Variants in CSMD2 observed in about 807,000 individuals in gnomAD.
CSMD2 encodes the protein CUB and Sushi multiple domains 2.
A neutral mutation model predicts 398.5 loss-of-function variants in CSMD2; 130 were observed. The observed-to-expected ratio is 0.33, with a 90% confidence interval of 0.28 to 0.38. The LOEUF is 0.38. Among genes scored for constraint, CSMD2 ranks in the 10% least tolerant of loss-of-function variants. The pLI, the probability that CSMD2 is intolerant of heterozygous loss-of-function variation, is 1.00. For missense variants in CSMD2, 3,829 were observed against 4,764.9 expected (o/e 0.80, Z 5.78); for synonymous variants, 1,828 against 1,908.5 (o/e 0.96, Z 1.10).
upstream of CSMD2, chr1:34,165,785 G>C (rs769398819): frequency 4.3e-5 from 69 of 1,613,894 alleles, 1 homozygote; most frequent in East Asian, 1.5e-3. Context: ...TTGCCATCTA[G>C]GGCCGGGGGC....
At chr1:33,923,469 C>T (rs892856338) in intron 4 of CSMD2, among the ~76,000 whole-genome samples, 1 of 152,166 alleles carries the variant, frequency 6.6e-6, no homozygotes, top group Admixed American at 6.5e-5. Context: ...GCCTCCTGTA[C>T]AGCCTGTGGA....
At position 34,163,150 on chromosome 1, in the gene CSMD2, C is replaced by T. The variant is rs1024651299; in HGVS notation, c.187+1761G>A. On this transcript the variant is annotated intron_variant, in intron 1 of 70. Transcript: ENST00000373381. The surrounding 1 kb of genome is among the most constrained non-coding windows in gnomAD (Gnocchi z 5.4). The stretch of plus-strand genomic sequence containing the variant: ...GCCAGAAAAACAATTCAGTCCGATG[C>T]CGAGACATTCTCCAATCAGCTAAGC... Among the ~76,000 whole-genome samples the T allele has an allele frequency of 2.0e-5, 3 of 152,262 alleles. No individual in the cohort carries two copies. Among genetic ancestry groups the T allele is most frequent in the Admixed American group, 6.5e-5 (1 of 15,288 alleles).
intron 2 of CSMD2, among the ~76,000 whole-genome samples, chr1:34,046,938 C>T (rs1398020056): frequency 6.6e-6 from 1 of 152,100 alleles, no homozygotes; most frequent in South Asian, 2.1e-4. Context: ...CCATCTCTTG[C>T]CTCAATTACT....
At position 33,567,478 on chromosome 1, in the gene CSMD2, C is replaced by CATATATATATATATATAT. The variant is rs774765893; in HGVS notation, c.8380+97_8380+114dup. ...CAGTTTTGAAAAAAAAAATAGCAAT[C>CATATATATATATATATAT]ATATATATATATATATATTTAAAAC... On this transcript the variant is annotated intron_variant, in intron 53 of 70. Coordinates refer to ENST00000373381, the MANE Select transcript of CSMD2 (RefSeq NM_001281956.2). 458 of 469,634 alleles carry CATATATATATATATATAT rather than the reference C, an allele frequency of 9.8e-4. 2 individuals are homozygous for CATATATATATATATATAT. The highest frequency in any genetic ancestry group is 4.5e-3 in the East Asian group (88 of 19,420). The allele number at this position is 469,634 out of a possible 1,614,324, so 29.1% of individuals were successfully genotyped here.
chr1:33,622,530 G>T (rs1641839055), intron 36 of CSMD2, among the ~76,000 whole-genome samples: 1 of 152,164 alleles, frequency 6.6e-6, no homozygotes, highest in African/African-American at 2.4e-5. Context: ...GAGGGTGAGG[G>T]ATGAGTTGGG....
chr1:34,159,484 G>A (rs543610388), intron 1 of CSMD2, among the ~76,000 whole-genome samples: 1 of 152,210 alleles, frequency 6.6e-6, no homozygotes, highest in Non-Finnish European at 1.5e-5. Context: ...CTGGGCAGAC[G>A]CTTCCAGGGA....
intron 1 of CSMD2, among the ~76,000 whole-genome samples, chr1:34,158,670 G>GTAGTAA (rs572043954): frequency 2.0e-5 from 3 of 152,192 alleles, no homozygotes; most frequent in Non-Finnish European, 4.4e-5. Context: ...GACCGTAGTT[G>GTAGTAA]TAGTAATAGT....
chr1:33,603,809 T>C lies in CSMD2; in HGVS notation c.6533-1263A>G, dbSNP rs76479437. Among the ~76,000 whole-genome samples the C allele has an allele frequency of 2.6e-3, 389 of 152,290 alleles. 1 individual carries two copies. The highest frequency in any genetic ancestry group is 8.9e-3 in the African/African-American group (371 of 41,562). On this transcript the variant is annotated intron_variant, in intron 42 of 70. Coordinates refer to ENST00000373381, the MANE Select transcript of CSMD2 (RefSeq NM_001281956.2). The stretch of plus-strand genomic sequence containing the variant: ...TAGAATTCATATTTATACTCAGACC[T>C]AAGGGATGACTAGGGTTAAGTAGGC...
Position 33,589,698 on chromosome 1 carries a change from T to A in CSMD2, c.6857-2530A>T, listed in dbSNP as rs185848086. Reference sequence around the variant, plus strand: ...TGCATTGCATACTGTACCATCCACATCCAGTGCACGGTGAAACCCCGCAGC... The same window carrying A: ...TGCATTGCATACTGTACCATCCACAACCAGTGCACGGTGAAACCCCGCAGC... On this transcript the variant is annotated intron_variant, in intron 44 of 70. Transcript: ENST00000373381. Among the ~76,000 whole-genome samples, 66 of 152,288 alleles carry A rather than the reference T, an allele frequency of 4.3e-4. No individual in the cohort carries two copies. The East Asian group carries it at 5.0e-3, about 12-fold the overall frequency.
chr1:34,131,908 C>T lies in CSMD2; in HGVS notation c.187+33003G>A, dbSNP rs1010321986. Among the ~76,000 whole-genome samples, 16 of 152,210 alleles carry T rather than the reference C, an allele frequency of 1.1e-4. 1 individual carries two copies. Among genetic ancestry groups the T allele is most frequent in the Non-Finnish European group, 1.6e-4 (11 of 68,022 alleles). ...CTGAAAATACTTCTGAGCGCTCACT[C>T]GGGGTTGCCTAAATCATGAGCTAGC... On this transcript the variant is annotated intron_variant, in intron 1 of 70. Transcript: ENST00000373381.
chr1:33,748,372 T>C (rs1177423865), intron 13 of CSMD2, among the ~76,000 whole-genome samples: 1 of 152,192 alleles, frequency 6.6e-6, no homozygotes, highest in Non-Finnish European at 1.5e-5. Context: ...CCTTCCTCCT[T>C]CAGAGTAGTG....
intron 1 of CSMD2, among the ~76,000 whole-genome samples, chr1:34,137,696 G>A (rs1271051549): frequency 6.6e-6 from 1 of 152,162 alleles, no homozygotes; most frequent in African/African-American, 2.4e-5. Flanking sequence ...CCAGTGCTTC[G>A]ACTGAAGACT....
At chr1:34,127,448 C>A (rs1662862340) in intron 1 of CSMD2, among the ~76,000 whole-genome samples, 1 of 152,118 alleles carries the variant, frequency 6.6e-6, no homozygotes, top group Non-Finnish European at 1.5e-5. Flanking sequence ...GGGTCCTGGG[C>A]TCTGGGAACT....
At position 33,739,243 on chromosome 1, in the gene CSMD2, G is replaced by A; in HGVS notation, c.2265C>T (p.Phe755=). The A allele has an allele frequency of 1.2e-6, 2 of 1,614,220 alleles. No individual in the cohort carries two copies. Among genetic ancestry groups the A allele is most frequent in the Non-Finnish European group, 1.7e-6 (2 of 1,180,038 alleles). Residue 755 remains phenylalanine, a synonymous_variant, in exon 15 of 71, where the codon TTC becomes TTT. Transcript: ENST00000373381. ...DSLQLGSSIS[F]LCDEGFLGTQ... Reference sequence around the variant, plus strand: ...TCCCAAGGAAGCCTTCATCACAGAGGAAGGAGATGGAGCTGCCCAGCTGGA... The same window carrying A: ...TCCCAAGGAAGCCTTCATCACAGAGAAAGGAGATGGAGCTGCCCAGCTGGA...
chr1:33,572,480 C>T (rs1382464029), intron 50 of CSMD2, 26 bp downstream of exon 50: 24 of 1,528,284 alleles, frequency 1.6e-5, no homozygotes, highest in Non-Finnish European at 2.1e-5. Flanking sequence ...CTTCCTTACA[C>T]CCGCCTCCAT....
intron 4 of CSMD2, among the ~76,000 whole-genome samples, chr1:33,932,070 G>T (rs188292364): frequency 2.0e-5 from 3 of 152,264 alleles, no homozygotes; most frequent in Non-Finnish European, 4.4e-5. Flanking sequence ...AATGTAAGAT[G>T]CCCTGAGGGG....
chr1:34,153,142 G>A (rs187661149), intron 1 of CSMD2, among the ~76,000 whole-genome samples: 32 of 152,198 alleles, frequency 2.1e-4, no homozygotes, highest in Middle Eastern at 3.4e-3. Context: ...CCAGCCTCCC[G>A]AGTAGCTGGG....
chr1:33,651,580 C>T (rs1643758084), intron 28 of CSMD2, among the ~76,000 whole-genome samples: 1 of 152,010 alleles, frequency 6.6e-6, no homozygotes. Flanking sequence ...TTGACAAAGC[C>T]CGGCAAAAGA....
intron 4 of CSMD2, among the ~76,000 whole-genome samples, chr1:33,926,102 T>C (rs1644119164): frequency 6.6e-6 from 1 of 152,216 alleles, no homozygotes; most frequent in South Asian, 2.1e-4. Flanking sequence ...ATTACTTAGT[T>C]AACATGTAGA....
Sources: allele counts gnomAD v4.1 joint callset (sites outside exome capture counted in the v4.1 genomes callset), GRCh38; gene constraint gnomAD v4.1.1; non-coding constraint Gnocchi (gnomAD v3.1); transcripts MANE v1.5; gene names NCBI Gene and HGNC (gene_info 2026-07-23, HGNC 2026-07-21).